The following TRHDE variants were observed in gnomAD, a reference collection of about 807,000 sequenced individuals.
TRHDE encodes thyrotropin-releasing hormone-degrading ectoenzyme.
TRHDE carries 72 observed loss-of-function variants against 125.7 expected under a neutral mutation model. The ratio of observed to expected loss-of-function variants is 0.57; its 90% CI spans 0.47 to 0.70. The LOEUF (loss-of-function observed/expected upper bound fraction) is 0.70, where lower values mean the gene tolerates loss of function less well. Ranked by LOEUF, TRHDE falls within the 30% of genes least tolerant of loss-of-function variation. TRHDE has a pLI of 0.00. For missense variants in TRHDE, 1,110 were observed against 1,327.1 expected, an observed-to-expected ratio of 0.84 and a Z score of 2.54; for synonymous variants, 509 against 509.1, an observed-to-expected ratio of 1.00 and a Z score of 0.00.
chr12:72,509,318 C>A (rs1878489509), intron 6 of TRHDE, among the ~76,000 whole-genome samples: 1 of 151,976 alleles, frequency 6.6e-6, no homozygotes, highest in South Asian at 2.1e-4. Flanking sequence ...AGTCTTGACC[C>A]ACAAATCCCT....
chr12:72,210,171 GATCTATCTATCT>G (rs3086840), intron 2 of TRHDE, among the ~76,000 whole-genome samples: 4 of 146,326 alleles, frequency 2.7e-5, no homozygotes, highest in East Asian at 4.0e-4. Flanking sequence ...CTATAAGATT[GATCTATCTATCT>G]ATCTATCTAT....
intron 15 of TRHDE, among the ~76,000 whole-genome samples, chr12:72,630,877 A>G (rs1873465667): frequency 6.7e-6 from 1 of 148,480 alleles, no homozygotes; most frequent in Admixed American, 6.8e-5. Flanking sequence ...ATTTCCCTAA[A>G]ATTCATAGCA....
chr12:72,544,219 T>C (rs1014693535), intron 7 of TRHDE, among the ~76,000 whole-genome samples: 9 of 151,498 alleles, frequency 5.9e-5, no homozygotes, highest in South Asian at 2.1e-4. Flanking sequence ...ATCTAGGTGA[T>C]AAATTATCAT....
intron 2 of TRHDE, among the ~76,000 whole-genome samples, chr12:72,357,083 G>T (rs1261144985): frequency 6.6e-6 from 1 of 151,262 alleles, no homozygotes; most frequent in Non-Finnish European, 1.5e-5. Flanking sequence ...AACTTTCCAG[G>T]TTTAAATAAA....
intron 2 of TRHDE, among the ~76,000 whole-genome samples, chr12:72,149,154 A>G (rs1876298403): frequency 1.3e-5 from 2 of 152,008 alleles, no homozygotes; most frequent in South Asian, 2.1e-4. Context: ...TTTAGATTAG[A>G]CTATAGACCT....
At chr12:72,470,388 C>A (rs925014957) in intron 4 of TRHDE, among the ~76,000 whole-genome samples, 1 of 152,198 alleles carries the variant, frequency 6.6e-6, no homozygotes, top group African/African-American at 2.4e-5. Context: ...ACTAACTCAG[C>A]CATAGACTCT....
chr12:72,156,286 C>T (rs1293096121), intron 2 of TRHDE, among the ~76,000 whole-genome samples: 2 of 152,298 alleles, frequency 1.3e-5, no homozygotes, highest in South Asian at 4.1e-4. Context: ...TTCCAGGTGA[C>T]ATCTGTCACC....
intron 10 of TRHDE, among the ~76,000 whole-genome samples, chr12:72,573,553 A>G (rs1408757831): frequency 6.6e-6 from 1 of 151,950 alleles, no homozygotes; most frequent in Non-Finnish European, 1.5e-5. Flanking sequence ...CTCAGGTTAC[A>G]AGTAAGGAAA....
intron 1 of TRHDE, among the ~76,000 whole-genome samples, chr12:72,283,186 A>G (rs1053898663): frequency 1.3e-5 from 2 of 152,202 alleles, no homozygotes; most frequent in African/African-American, 4.8e-5. Context: ...TGAACACTCA[A>G]AAATAAATGA....
intron 2 of TRHDE, among the ~76,000 whole-genome samples, chr12:72,357,448 G>A (rs1164040364): frequency 1.3e-5 from 2 of 151,448 alleles, no homozygotes; most frequent in Non-Finnish European, 3.0e-5. Context: ...ACATGTAAGT[G>A]ATATTAAGCA....
At chr12:72,449,667 A>G (rs1445013511) in intron 3 of TRHDE, among the ~76,000 whole-genome samples, 3 of 151,978 alleles carry the variant, frequency 2.0e-5, no homozygotes, top group Non-Finnish European at 1.5e-5. Flanking sequence ...AGGATGCAGC[A>G]TAGAGTTCAG....
chr12:72,435,826 A>G (rs1275471255), intron 3 of TRHDE, among the ~76,000 whole-genome samples: 2 of 152,080 alleles, frequency 1.3e-5, no homozygotes, highest in Admixed American at 1.3e-4. Context: ...AGGAATAAAT[A>G]GCTGCAATAT....
In TRHDE at chr12:72,292,099, T is replaced by G. The variant is rs57834606; in HGVS notation, c.1188+5145T>G. 9.9e-3 allele frequency among the ~76,000 whole-genome samples: 1,502 copies of G among 152,360 alleles called. 25 individuals are homozygous for G. The highest frequency in any genetic ancestry group is 0.034 in the African/African-American group (1,406 of 41,588). ...TGAACCTTTGTCTACTTTGAGGCTT[T>G]GTGGAATAAAAATTCTTAGATGCTC... On this transcript the variant is annotated intron_variant, in intron 2 of 18. Transcript: ENST00000261180.
chr12:72,307,028 C>T (rs1291885625), intron 2 of TRHDE, among the ~76,000 whole-genome samples: 3 of 151,896 alleles, frequency 2.0e-5, no homozygotes, highest in Admixed American at 6.6e-5. Flanking sequence ...TGGTAGGTGA[C>T]GAGATCAGAT....
chr12:72,344,018 T>A (rs983012454), intron 2 of TRHDE, among the ~76,000 whole-genome samples: 14 of 151,982 alleles, frequency 9.2e-5, no homozygotes, highest in African/African-American at 3.1e-4. Context: ...TTCACTGGAC[T>A]CATTTGCTTT....
intron 6 of TRHDE, among the ~76,000 whole-genome samples, chr12:72,515,257 G>T (rs1319775753): frequency 2.9e-5 from 4 of 138,332 alleles, no homozygotes; most frequent in Non-Finnish European, 6.1e-5. Flanking sequence ...CCCACCAACA[G>T]TGTAAAAGTG....
intron 5 of TRHDE, among the ~76,000 whole-genome samples, chr12:72,482,082 C>CTAT (rs1877200109): frequency 6.6e-6 from 1 of 151,920 alleles, no homozygotes; most frequent in Admixed American, 6.6e-5. Flanking sequence ...TTCATTCATT[C>CTAT]TATTTATTTC....
At chr12:72,384,789 T>G (rs1872342089) in intron 3 of TRHDE, among the ~76,000 whole-genome samples, 2 of 152,046 alleles carry the variant, frequency 1.3e-5, no homozygotes, top group African/African-American at 4.8e-5. Context: ...AACATATATA[T>G]TTTTTATTGT....
At chr12:72,532,058 C>T (rs1811018725) in intron 6 of TRHDE, among the ~76,000 whole-genome samples, 1 of 151,988 alleles carries the variant, frequency 6.6e-6, no homozygotes, top group Non-Finnish European at 1.5e-5. Flanking sequence ...CTTTTTCTAG[C>T]TTTCTAAAGA....
Sources: allele counts gnomAD v4.1 joint callset (sites outside exome capture counted in the v4.1 genomes callset), GRCh38; gene constraint gnomAD v4.1.1; transcripts MANE v1.5; gene names NCBI Gene and HGNC (gene_info 2026-07-23, HGNC 2026-07-21).